Variants in CIB1 observed in about 807,000 individuals in gnomAD.
The protein encoded by CIB1 is calcium and integrin-binding protein 1.
A neutral mutation model predicts 25.0 loss-of-function variants in CIB1; 19 were observed. The ratio of observed to expected loss-of-function variants is 0.76; its 90% CI spans 0.53 to 1.12. The LOEUF (loss-of-function observed/expected upper bound fraction) is 1.12. Among genes scored for constraint, CIB1 ranks in the 50% most tolerant of loss-of-function variants. The probability of loss-of-function intolerance (pLI) is 0.00; values close to 1 mark genes in which losing one functional copy is unlikely to be tolerated. For synonymous variants in CIB1, 104 were observed against 98.5 expected, an observed-to-expected ratio of 1.06 and a Z score of -0.33; for missense variants, 236 against 242.6, an observed-to-expected ratio of 0.97 and a Z score of 0.18.
the CIB1 span, among the ~76,000 whole-genome samples, chr15:90,260,886 G>T: frequency 2.6e-5 from 4 of 151,198 alleles, no homozygotes; most frequent in South Asian, 8.3e-4. Flanking sequence ...AGAAAGGAAG[G>T]AAGGAAGGAA....
the CIB1 span, chr15:90,259,180 T>C: frequency 1.8e-6 from 1 of 561,282 alleles, no homozygotes; most frequent in South Asian, 2.1e-5. Flanking sequence ...CTGGGCAACA[T>C]GTGAGACTCT....
the CIB1 span, chr15:90,264,715 T>A: frequency 1.3e-6 from 2 of 1,535,716 alleles, no homozygotes; most frequent in Non-Finnish European, 1.7e-6. Context: ...ATGTTTCCAC[T>A]GCAGAAGGAC....
the CIB1 span, chr15:90,257,606 G>T: frequency 3.7e-6 from 6 of 1,607,230 alleles, no homozygotes; most frequent in Non-Finnish European, 4.3e-6. Context: ...CATGCAGACA[G>T]TCTGAGACCA....
At chr15:90,241,335 G>C in the CIB1 span, 1 of 1,614,108 alleles carries the variant, frequency 6.2e-7, no homozygotes, top group African/African-American at 1.3e-5. Flanking sequence ...CCGGGAGCCT[G>C]ATCTCCCTGG....
chr15:90,264,894 T>C, the CIB1 span: 1 of 1,536,018 alleles, frequency 6.5e-7, no homozygotes, highest in Non-Finnish European at 8.7e-7. Flanking sequence ...GCAGCCAAGG[T>C]TCCCCTCTGC....
chr15:90,256,303 G>C, the CIB1 span: 9 of 1,614,106 alleles, frequency 5.6e-6, no homozygotes, highest in Non-Finnish European at 7.6e-6. Context: ...CCAAGGTGAA[G>C]GATGCCTCAG....
At position 90,230,917 on chromosome 15, in the gene CIB1, G is replaced by A. The variant is rs1393942043; in HGVS notation, c.554+17C>T. 10 of 1,606,824 alleles carry A rather than the reference G, an allele frequency of 6.2e-6. No homozygotes were observed. In the African/African-American group the frequency reaches 1.2e-4, roughly 19 times the overall value. ...GAACCTGCAGGTACCCAGAATGAAG[G>A]GGGACCACTGTCATACCTGGCAAAG... On this transcript the variant is annotated intron_variant, in intron 6 of 6. Transcript: ENST00000328649.
chr15:90,247,695 G>A, the CIB1 span, among the ~76,000 whole-genome samples: 3 of 151,140 alleles, frequency 2.0e-5, no homozygotes, highest in Non-Finnish European at 4.4e-5. Flanking sequence ...GAAGGCATAT[G>A]CAGATTTCTA....
chr15:90,250,974 C>A, the CIB1 span: 2 of 1,505,606 alleles, frequency 1.3e-6, no homozygotes, highest in Non-Finnish European at 1.8e-6. Context: ...GCTGGGATCT[C>A]AGATCTTCCC....
the CIB1 span, among the ~76,000 whole-genome samples, chr15:90,246,732 G>A: frequency 7.4e-6 from 1 of 135,358 alleles, no homozygotes; most frequent in African/African-American, 2.7e-5. Flanking sequence ...AGGGTGCAGT[G>A]ACCCGAGATT....
chr15:90,241,837 G>A, the CIB1 span: 10 of 1,614,064 alleles, frequency 6.2e-6, no homozygotes, highest in South Asian at 2.2e-5. Flanking sequence ...ACAGGGGTCC[G>A]AGTAATTCTG....
chr15:90,250,634 G>A, the CIB1 span: 2 of 1,612,706 alleles, frequency 1.2e-6, no homozygotes, highest in African/African-American at 2.7e-5. Context: ...TGAGAGAATG[G>A]AGCCGAGTAC....
rs766491256 is a variant in CIB1, at chr15:90,231,199, C to T, written c.361G>A (p.Gly121Arg). 30 of 1,600,686 alleles carry T rather than the reference C, an allele frequency of 1.9e-5. No homozygotes were observed. The African/African-American group carries it at 2.5e-4, about 13-fold the overall frequency. Residue 121 changes from glycine to arginine, a missense_variant, in exon 5 of 7, where the codon GGA becomes AGA. Transcript: ENST00000328649. ...AFRIFDFDDD[G>R]TLNREDLSRL... is the part of the protein sequence containing the mutation. Reference sequence around the variant, plus strand: ...CTCAGGTCTTCTCTGTTCAAGGTTCCGTCATCATCAAAGTCTAGAGAGCAG... The same window carrying T: ...CTCAGGTCTTCTCTGTTCAAGGTTCTGTCATCATCAAAGTCTAGAGAGCAG...
chr15:90,241,440 C>G, the CIB1 span: 1 of 1,613,562 alleles, frequency 6.2e-7, no homozygotes, highest in Non-Finnish European at 8.5e-7. Context: ...CCGCCAGCTC[C>G]CCCAGCGCCT....
At chr15:90,256,448 A>T in the CIB1 span, 7 of 968,500 alleles carry the variant, frequency 7.2e-6, no homozygotes, top group Non-Finnish European at 1.1e-5. Flanking sequence ...CATGGTTCAG[A>T]ACCAGCCTGC....
At chr15:90,236,086 T>G (rs189369479), upstream of CIB1, 1 of 152,400 alleles carries the variant, frequency 6.6e-6, no homozygotes, top group African/African-American at 2.4e-5. Context: ...TTGCCCAGGC[T>G]GGAGTGCAAT....
the CIB1 span, among the ~76,000 whole-genome samples, chr15:90,248,467 C>G: frequency 1.5e-3 from 231 of 152,028 alleles, 1 homozygote; most frequent in African/African-American, 5.3e-3. Context: ...GTAATCCCAC[C>G]ACTTTGGGAA....
At chr15:90,255,984 G>A in the CIB1 span, 1 of 1,582,318 alleles carries the variant, frequency 6.3e-7, no homozygotes. Context: ...CAGAGGGATG[G>A]AAGTGGAATG....
the CIB1 span, among the ~76,000 whole-genome samples, chr15:90,248,697 C>G: frequency 9.3e-6 from 1 of 106,958 alleles, no homozygotes; most frequent in Non-Finnish European, 1.8e-5. Flanking sequence ...CCAGCCTGGG[C>G]TACAAAGCAA....
Sources: allele counts gnomAD v4.1 joint callset (sites outside exome capture counted in the v4.1 genomes callset), GRCh38; gene constraint gnomAD v4.1.1; transcripts MANE v1.5; gene names NCBI Gene and HGNC (gene_info 2026-07-23, HGNC 2026-07-21).